TBC1D20: variants seen among roughly 807,000 people sequenced by gnomAD.
TBC1D20 encodes chromosome 20 open reading frame 140.
In TBC1D20, 12 loss-of-function variants were observed where a neutral mutation model predicts 41.6. The observed-to-expected ratio is 0.29, with a 90% CI of 0.18 to 0.47. The LOEUF (loss-of-function observed/expected upper bound fraction) is 0.47, where lower values mean the gene tolerates loss of function less well. TBC1D20 is among the 20% of genes least tolerant of loss of function. The probability of loss-of-function intolerance (pLI) is 1.00; values close to 1 mark genes in which losing one functional copy is unlikely to be tolerated. For synonymous variants in TBC1D20, 205 were observed against 204.8 expected, an observed-to-expected ratio of 1.00 and a Z score of -0.01; for missense variants, 421 against 517.4, an observed-to-expected ratio of 0.81 and a Z score of 1.81.
rs1600329106 is a variant in TBC1D20 at position 440,565 on chromosome 20, T to A, written c.627-176A>T. ...TATTTAATACAAAGTCTTTAAGGTGTACCACAACACTAACACCACAACAGG... is the reference window on the plus strand; with the variant it reads ...TATTTAATACAAAGTCTTTAAGGTGAACCACAACACTAACACCACAACAGG... On this transcript the variant is annotated intron_variant, in intron 5 of 7. Transcript: ENST00000354200. The A allele has an allele frequency of 2.0e-5, 16 of 786,776 alleles. No homozygotes were observed. The East Asian group carries it at 4.6e-4, about 23-fold the overall frequency. The allele number at this position is 786,776 out of a possible 1,614,324, so 48.7% of individuals were successfully genotyped here.
chr20:438,529 C>A lies in TBC1D20; in HGVS notation c.*57G>T, dbSNP rs538993511. ...TAAAGGAAATTCCACCCCTCCCAATCCTTCCATGGAAGGGTGAGACCTTAA... is the reference window on the plus strand; with the variant it reads ...TAAAGGAAATTCCACCCCTCCCAATACTTCCATGGAAGGGTGAGACCTTAA... On this transcript the variant is annotated 3_prime_UTR_variant, in exon 8 of 8. Transcript: ENST00000354200. The A allele has an allele frequency of 4.4e-6, 7 of 1,577,088 alleles. No homozygotes were observed. The South Asian group carries it at 6.8e-5, about 15-fold the overall frequency.
intron 1 of TBC1D20, among the ~76,000 whole-genome samples, chr20:458,787 A>C (rs896650802): frequency 6.6e-6 from 1 of 152,188 alleles, no homozygotes; most frequent in Non-Finnish European, 1.5e-5. Flanking sequence ...CCATACTGTT[A>C]AGGTGATGCT....
chr20:456,551 G>T (rs977221174), intron 1 of TBC1D20, among the ~76,000 whole-genome samples: 1 of 151,780 alleles, frequency 6.6e-6, no homozygotes, highest in Non-Finnish European at 1.5e-5. Flanking sequence ...CCAGAGGAAA[G>T]AATGACTTTT....
At chr20:449,153 CTTTT>C (rs757303718) in intron 1 of TBC1D20, among the ~76,000 whole-genome samples, 2 of 93,626 alleles carry the variant, frequency 2.1e-5, no homozygotes, top group Non-Finnish European at 4.0e-5. Flanking sequence ...CCTATATGTA[CTTTT>C]TTTTTTTTTT....
In TBC1D20 at chr20:439,721, T is replaced by C. The variant is rs776916371; in HGVS notation, c.769-426A>G. On this transcript the variant is annotated intron_variant, in intron 6 of 7. Transcript: ENST00000354200. The surrounding 1 kb of genome is among the most constrained non-coding windows in gnomAD (Gnocchi z 4.6). ...CCTTTAAGCATCTTCCTTCTGACTGTTGGTCCACAAATCCACAGATGCTCA... is the reference window on the plus strand; with the variant it reads ...CCTTTAAGCATCTTCCTTCTGACTGCTGGTCCACAAATCCACAGATGCTCA... Among the ~76,000 whole-genome samples the C allele has an allele frequency of 2.0e-5, 3 of 152,220 alleles. No homozygotes were observed. Among genetic ancestry groups the C allele is most frequent in the Non-Finnish European group, 2.9e-5 (2 of 68,030 alleles).
chr20:451,351 C>T (rs867238729), intron 1 of TBC1D20, among the ~76,000 whole-genome samples: 57 of 152,242 alleles, frequency 3.7e-4, no homozygotes, highest in African/African-American at 1.3e-3. Flanking sequence ...TCGAGACCAG[C>T]CTGGCCAACA....
chr20:458,797 T>C (rs916524347), intron 1 of TBC1D20, among the ~76,000 whole-genome samples: 1 of 152,218 alleles, frequency 6.6e-6, no homozygotes, highest in Non-Finnish European at 1.5e-5. Context: ...AAGGTGATGC[T>C]CACTGCAGAA....
rs1278657035 is a variant in TBC1D20, at chr20:439,508, C to A, written c.769-213G>T. Among the ~76,000 whole-genome samples the A allele has an allele frequency of 6.6e-6, 1 of 152,216 alleles. No homozygotes were observed. The highest frequency in any genetic ancestry group is 2.4e-5 in the African/African-American group (1 of 41,460). ...TGGCCCTTCCTGCAAACTTCCACCA[C>A]ATGACATGAAAGGCTGACCAGTTAC... On this transcript the variant is annotated intron_variant, in intron 6 of 7. Transcript: ENST00000354200. This position sits in a 1 kb window ranked among gnomAD's most constrained non-coding sequence, Gnocchi z 4.6.
intron 3 of TBC1D20, among the ~76,000 whole-genome samples, chr20:444,120 ACT>A (rs912810532): frequency 8.1e-4 from 123 of 151,110 alleles, no homozygotes; most frequent in African/African-American, 2.9e-3. Flanking sequence ...CAAGAGTGAA[ACT>A]CTGTCTTTAA....
intron 3 of TBC1D20, among the ~76,000 whole-genome samples, chr20:444,541 TAC>T (rs1270114362): frequency 6.9e-6 from 1 of 145,870 alleles, no homozygotes; most frequent in East Asian, 1.9e-4. Flanking sequence ...ATTTTAGGAA[TAC>T]ATTCTTTTTT....
chr20:450,315 A>T (rs2017421861), intron 1 of TBC1D20, among the ~76,000 whole-genome samples: 1 of 143,020 alleles, frequency 7.0e-6, no homozygotes, highest in Admixed American at 7.1e-5. Flanking sequence ...CGCTTTGCTA[A>T]TTTTTTTTTT....
intron 1 of TBC1D20, among the ~76,000 whole-genome samples, chr20:454,899 T>G (rs1468074695): frequency 2.6e-5 from 4 of 152,178 alleles, no homozygotes; most frequent in Non-Finnish European, 4.4e-5. Context: ...CTCGAACTCC[T>G]GACCTGAAGT....
rs200373464 is a variant in TBC1D20, at chr20:438,737, C to T, written c.1061G>A (p.Arg354Gln). 1.9e-5 allele frequency: 30 copies of T among 1,614,184 alleles called. No individual in the cohort carries two copies. Among genetic ancestry groups the T allele is most frequent in the East Asian group, 6.7e-5 (3 of 44,888 alleles). ...TGGCTTGGTCAGGACATCTTTTGTT[C>T]GATCTTCAGGCCGCAGAAGTCCCCG... ...RFRGLLRPEDRTKDVLTKPRT... is the reference protein window; with the variant it reads ...RFRGLLRPEDQTKDVLTKPRT... Residue 354 changes from arginine to glutamine, a missense_variant, in exon 8 of 8, where the codon CGA (arginine) becomes CAA (glutamine). This residue lies in a region of TBC1D20 where 161 missense variants were observed against 182.7 expected (regional missense o/e 0.88). Transcript: ENST00000354200.
chr20:461,524 T>C (rs1183563125), intron 1 of TBC1D20, among the ~76,000 whole-genome samples: 3 of 151,820 alleles, frequency 2.0e-5, no homozygotes, highest in Non-Finnish European at 4.4e-5. Context: ...CACACCCGAC[T>C]AACTTTTAAA....
intron 2 of TBC1D20, among the ~76,000 whole-genome samples, chr20:447,227 T>G (rs1187979970): frequency 2.0e-5 from 3 of 151,224 alleles, no homozygotes; most frequent in Non-Finnish European, 4.4e-5. Flanking sequence ...CCCAAAGTGC[T>G]GGGATTACAG....
intron 1 of TBC1D20, among the ~76,000 whole-genome samples, chr20:453,484 A>AAAC (rs752603189): frequency 1.4e-5 from 2 of 148,112 alleles, no homozygotes; most frequent in Non-Finnish European, 3.0e-5. Context: ...TCCGTCTCAA[A>AAAC]AACAACAACA....
At chr20:447,748 G>T in intron 2 of TBC1D20, 141 bp downstream of exon 2, 2 of 541,832 alleles carry the variant, frequency 3.7e-6, no homozygotes, top group Non-Finnish European at 5.8e-6. Context: ...TTTTCAGAGT[G>T]GGCCCAAGCA....
chr20:448,336 A>G (rs890724020), intron 1 of TBC1D20, among the ~76,000 whole-genome samples: 4 of 151,954 alleles, frequency 2.6e-5, no homozygotes, highest in Non-Finnish European at 2.9e-5. Context: ...CTCTTTTTAT[A>G]GGTCTGAACC....
In TBC1D20 at chr20:441,604, G is replaced by T; in HGVS notation, c.610C>A (p.His204Asn). 10 of 1,614,090 alleles carry T rather than the reference G, an allele frequency of 6.2e-6. No homozygotes were observed. The highest frequency in any genetic ancestry group is 8.5e-6 in the Non-Finnish European group (10 of 1,179,984). Reference protein sequence around the residue: ...PIIDQVNPELHDFMQSAEVGT... With the variant: ...PIIDQVNPELNDFMQSAEVGT... ...CATATGTACCTCTGCATGAAGTCATGGAGCTCTGGATTCACCTGGTCAATG... is the reference window on the plus strand; with the variant it reads ...CATATGTACCTCTGCATGAAGTCATTGAGCTCTGGATTCACCTGGTCAATG... Residue 204 changes from histidine (H) to asparagine (N), a missense_variant, in exon 5 of 8, where the codon CAT becomes AAT. Physicochemically the swap from His to Asn is moderately conservative, Grantham distance 68. Transcript: ENST00000354200.
Sources: gnomAD v4.1 joint callset for allele counts (sites outside exome capture counted in the v4.1 genomes callset) on GRCh38, gnomAD v4.1.1 for gene constraint, gnomAD v4.1.1 regional missense constraint, Gnocchi (gnomAD v3.1) non-coding constraint, MANE v1.5 for transcripts, NCBI Gene and HGNC (gene_info 2026-07-23, HGNC 2026-07-21) for gene names.